The following NTRK3 variants were observed in gnomAD, a reference collection of about 807,000 sequenced individuals.
NTRK3 encodes the protein neurotrophic receptor tyrosine kinase 3, also known as NT-3 growth factor receptor.
A neutral mutation model predicts 91.7 loss-of-function variants in NTRK3; 24 were observed. The ratio of observed to expected loss-of-function variants is 0.26; its 90% CI spans 0.19 to 0.37. NTRK3 has a LOEUF of 0.37. Among genes scored for constraint, NTRK3 ranks in the 10% least tolerant of loss-of-function variants. The probability of loss-of-function intolerance (pLI) is 1.00; values close to 1 mark genes in which losing one functional copy is unlikely to be tolerated. For missense variants in NTRK3, 880 were observed against 1,068.9 expected (o/e 0.82, Z 2.46); for synonymous variants, 483 against 404.0 (o/e 1.20, Z -2.34).
chr15:88,183,607 C>A (rs931824304), intron 4 of NTRK3, 118 bp from the exon 5 acceptor site: 1 of 932,926 alleles, frequency 1.1e-6, no homozygotes, highest in African/African-American at 1.6e-5. Context: ...TGTGGATTAT[C>A]TACACCTCTT....
chr15:88,031,634 A>G (rs1225358014), intron 14 of NTRK3, among the ~76,000 whole-genome samples: 1 of 152,124 alleles, frequency 6.6e-6, no homozygotes, highest in Non-Finnish European at 1.5e-5. Flanking sequence ...AGAACACCCA[A>G]GGTTAGGAGG....
chr15:88,033,981 G>A (rs566103255), intron 13 of NTRK3, among the ~76,000 whole-genome samples: 2 of 152,200 alleles, frequency 1.3e-5, no homozygotes, highest in East Asian at 3.9e-4. Context: ...GTGCAAGCTG[G>A]ACATCAGATT....
chr15:88,138,158 C>A (rs756616203), intron 6 of NTRK3, among the ~76,000 whole-genome samples: 3 of 151,896 alleles, frequency 2.0e-5, no homozygotes, highest in Non-Finnish European at 4.4e-5. Flanking sequence ...AATCCCAGAA[C>A]TTTGGGAGGC....
At chr15:88,124,840 C>T (rs886540555) in intron 13 of NTRK3, among the ~76,000 whole-genome samples, 1 of 152,242 alleles carries the variant, frequency 6.6e-6, no homozygotes, top group Non-Finnish European at 1.5e-5. Context: ...TTTGCCTGCA[C>T]ATGTCTTTCT....
chr15:87,936,876 C>T lies in NTRK3; in HGVS notation c.1717-3692G>A, dbSNP rs534022910. On this transcript the variant is annotated intron_variant, in intron 15 of 18. Coordinates refer to ENST00000394480, the Ensembl canonical transcript of NTRK3. ...TTCCTGGCTTAAAACTGGCCATTGG[C>T]TTCCCAGTGTTTGTAGTATAAAATC... 1.9e-4 allele frequency among the ~76,000 whole-genome samples: 29 copies of T among 152,324 alleles called. 1 individual carries two copies. The South Asian group carries it at 5.2e-3, about 27-fold the overall frequency.
intron 17 of NTRK3, among the ~76,000 whole-genome samples, chr15:87,892,299 C>T (rs764129907): frequency 1.5e-4 from 23 of 151,960 alleles, no homozygotes; most frequent in South Asian, 1.0e-3. Context: ...TATTTTCAAA[C>T]GACTGGAGAG....
At chr15:88,173,452 C>T (rs752095850) in intron 5 of NTRK3, among the ~76,000 whole-genome samples, 2 of 152,236 alleles carry the variant, frequency 1.3e-5, no homozygotes, top group Non-Finnish European at 2.9e-5. Context: ...TCTGCCACTC[C>T]TGCATCGACA....
At chr15:88,219,795 T>G (rs2141556558) in intron 3 of NTRK3, among the ~76,000 whole-genome samples, 1 of 152,324 alleles carries the variant, frequency 6.6e-6, no homozygotes, top group South Asian at 2.1e-4. Context: ...CTGCACTGAG[T>G]GCATTACATC....
chr15:87,988,652 G>A (rs2075043017), intron 14 of NTRK3, among the ~76,000 whole-genome samples: 1 of 152,108 alleles, frequency 6.6e-6, no homozygotes, highest in Non-Finnish European at 1.5e-5. Flanking sequence ...GGTGTTTAGG[G>A]AAGACGTTGA....
intron 3 of NTRK3, among the ~76,000 whole-genome samples, chr15:88,215,303 G>A (rs922562943): frequency 6.6e-6 from 1 of 152,232 alleles, no homozygotes; most frequent in Non-Finnish European, 1.5e-5. Flanking sequence ...CTGTCACCCG[G>A]GATGGACCTA....
intron 14 of NTRK3, among the ~76,000 whole-genome samples, chr15:87,959,155 G>A (rs2071990772): frequency 6.6e-6 from 1 of 152,106 alleles, no homozygotes; most frequent in South Asian, 2.1e-4. Flanking sequence ...TTCTAGCCTA[G>A]CACACTGTTT....
intron 5 of NTRK3, among the ~76,000 whole-genome samples, chr15:88,147,855 C>A (rs571964219): frequency 6.6e-6 from 1 of 152,162 alleles, no homozygotes; most frequent in Non-Finnish European, 1.5e-5. Flanking sequence ...TCTCTCCCAG[C>A]AAACATGCCC....
At chr15:87,916,481 T>G in intron 17 of NTRK3, 2 of 701,818 alleles carry the variant, frequency 2.8e-6, no homozygotes, top group South Asian at 3.0e-5. Context: ...AATATAAGCA[T>G]GCTTCAACGT....
In NTRK3 at chr15:87,992,562, GA is replaced by G. The variant is rs780396610; in HGVS notation, c.1585+40294del. Among the ~76,000 whole-genome samples, 71 of 150,880 alleles carry G rather than the reference GA, an allele frequency of 4.7e-4. No individual in the cohort carries two copies. In the East Asian group the frequency reaches 0.011, roughly 23 times the overall value. ...TTTCATTTCTTAATAAGACTATTTG[GA>G]AAAAAAAACCAACAACCAATATCTA... is the stretch of plus-strand genomic sequence containing the variant. On this transcript the variant is annotated intron_variant, in intron 14 of 18. Coordinates refer to ENST00000394480, the Ensembl canonical transcript of NTRK3.
intron 13 of NTRK3, chr15:88,098,433 T>C (rs1258441415): frequency 1.0e-5 from 2 of 191,670 alleles, no homozygotes; most frequent in Non-Finnish European, 2.2e-5. Context: ...GGCTTATCTT[T>C]CAAGCCACTC....
intron 14 of NTRK3, among the ~76,000 whole-genome samples, chr15:87,949,839 A>G (rs79665674): frequency 1.3e-5 from 2 of 152,206 alleles, no homozygotes; most frequent in African/African-American, 2.4e-5. Flanking sequence ...GAACTCCCCA[A>G]GGAGAGCCAT....
chr15:87,877,150 C>T (rs1357574258), intron 18 of NTRK3, 30 bp from the exon 20 acceptor site: 2 of 1,611,118 alleles, frequency 1.2e-6, no homozygotes, highest in Admixed American at 1.7e-5. Flanking sequence ...AAGGAAGTTA[C>T]ACCCAAAGCT....
At chr15:88,125,463 T>C (rs1352924632) in intron 13 of NTRK3, among the ~76,000 whole-genome samples, 1 of 152,086 alleles carries the variant, frequency 6.6e-6, no homozygotes, top group Non-Finnish European at 1.5e-5. Context: ...TCAAACCTCG[T>C]ATCATGCCTC....
chr15:88,164,865 T>C (rs1333876886), intron 5 of NTRK3, among the ~76,000 whole-genome samples: 1 of 152,192 alleles, frequency 6.6e-6, no homozygotes, highest in African/African-American at 2.4e-5. Context: ...TGGCCTCTCT[T>C]GTCCAATTCT....
Sources: allele counts gnomAD v4.1 joint callset (sites outside exome capture counted in the v4.1 genomes callset), GRCh38; gene constraint gnomAD v4.1.1; transcripts MANE v1.5; gene names NCBI Gene and HGNC (gene_info 2026-07-23, HGNC 2026-07-21).